Variants in AGMO observed in about 807,000 individuals in gnomAD.
AGMO encodes glyceryl-ether monooxygenase.
Under a neutral mutation model 60.2 loss-of-function variants are expected in AGMO, and 75 were observed. The ratio of observed to expected loss-of-function variants is 1.25; its 90% CI spans 1.03 to 1.51. The LOEUF is 1.51. Among genes scored for constraint, AGMO ranks in the 40% most tolerant of loss-of-function variants. AGMO has a pLI of 0.00. For missense variants in AGMO, 763 were observed against 525.5 expected, an observed-to-expected ratio of 1.45 and a Z score of -4.42; for synonymous variants, 261 against 177.1, an observed-to-expected ratio of 1.47 and a Z score of -3.76.
In AGMO at chr7:15,360,708, T is replaced by A. The variant is rs528185766; in HGVS notation, c.1263+4806A>T. Among the ~76,000 whole-genome samples the A allele has an allele frequency of 2.6e-5, 4 of 151,014 alleles. No individual in the cohort carries two copies. In the East Asian group the frequency reaches 7.8e-4, roughly 29 times the overall value. On this transcript the variant is annotated intron_variant, in intron 12 of 12. Transcript: ENST00000342526. ...CAGGCACACTTAGTGTAATATTTAT[T>A]GAAAAAAAAATCCACATATACATGG...
At chr7:15,232,278 C>T (rs1340295549) in intron 12 of AGMO, among the ~76,000 whole-genome samples, 2 of 152,158 alleles carry the variant, frequency 1.3e-5, no homozygotes, top group African/African-American at 2.4e-5. Context: ...GTGGAGGTGC[C>T]ACAAGTATCC....
At chr7:15,173,873 GA>G in the AGMO span, among the ~76,000 whole-genome samples, 1 of 150,584 alleles carries the variant, frequency 6.6e-6, no homozygotes, top group Non-Finnish European at 1.5e-5. Flanking sequence ...TAATTTTTAG[GA>G]AATATCTTTC....
Position 15,390,835 on chromosome 7 carries a change from C to T in AGMO, c.742+5G>A, listed in dbSNP as rs746835991. ...AATTTTTTGATTTTAATACATTTTA[C>T]TTACCAAAAATTTTATCCCAAATAA... On this transcript the variant is annotated splice_donor_5th_base_variant and intron_variant, in intron 7 of 12. Coordinates refer to ENST00000342526, the MANE Select transcript of AGMO (RefSeq NM_001004320.2). The T allele has an allele frequency of 4.4e-6, 7 of 1,601,152 alleles. No homozygotes were observed. The Admixed American group carries it at 8.4e-5, about 19-fold the overall frequency.
intron 3 of AGMO, among the ~76,000 whole-genome samples, chr7:15,432,926 G>C (rs1178546202): frequency 6.6e-6 from 1 of 151,846 alleles, no homozygotes; most frequent in Non-Finnish European, 1.5e-5. Context: ...TTGAATAAGA[G>C]GTAATAAATT....
chr7:15,437,350 C>T (rs935688095), intron 3 of AGMO, among the ~76,000 whole-genome samples: 3 of 152,014 alleles, frequency 2.0e-5, no homozygotes, highest in African/African-American at 4.8e-5. Context: ...CTATTCTATC[C>T]TTGCTCACTT....
intron 8 of AGMO, among the ~76,000 whole-genome samples, chr7:15,388,276 A>G (rs1410603848): frequency 6.6e-6 from 1 of 152,202 alleles, no homozygotes; most frequent in Non-Finnish European, 1.5e-5. Context: ...AACCCTAAGC[A>G]TGTGGGTTAC....
chr7:15,373,288 A>T (rs1337793882), intron 10 of AGMO, among the ~76,000 whole-genome samples: 5 of 152,036 alleles, frequency 3.3e-5, no homozygotes, highest in Non-Finnish European at 5.9e-5. Flanking sequence ...AAAAAAAAAA[A>T]AAATTATTTG....
intron 3 of AGMO, among the ~76,000 whole-genome samples, chr7:15,511,940 C>T (rs574573458): frequency 6.6e-6 from 1 of 151,338 alleles, no homozygotes; most frequent in Admixed American, 6.6e-5. Flanking sequence ...CACCAGACAC[C>T]TTAGTCTGGG....
chr7:15,477,077 A>G (rs1188857951), intron 3 of AGMO, among the ~76,000 whole-genome samples: 1 of 152,102 alleles, frequency 6.6e-6, no homozygotes, highest in Non-Finnish European at 1.5e-5. Context: ...TACTCAAATT[A>G]CGTATACACA....
chr7:15,257,738 C>A lies in AGMO; in HGVS notation c.1264-56379G>T, dbSNP rs190423682. Among the ~76,000 whole-genome samples the A allele has an allele frequency of 2.5e-3, 375 of 152,244 alleles. 1 individual carries two copies. Among genetic ancestry groups the A allele is most frequent in the African/African-American group, 8.1e-3 (338 of 41,540 alleles). On this transcript the variant is annotated intron_variant, in intron 12 of 12. Coordinates refer to ENST00000342526, the MANE Select transcript of AGMO (RefSeq NM_001004320.2). ...CAGTAATAAGAAAGATAATTAAAAA[C>A]CTGGGTGGGAGACAGGCAAGGAAGG...
At chr7:15,415,955 C>T (rs1426342040) in intron 5 of AGMO, among the ~76,000 whole-genome samples, 1 of 151,406 alleles carries the variant, frequency 6.6e-6, no homozygotes, top group Non-Finnish European at 1.5e-5. Context: ...GAGTTTCAAG[C>T]CAAATGTTTC....
chr7:15,377,028 A>G (rs987318337), intron 10 of AGMO, among the ~76,000 whole-genome samples: 2 of 152,090 alleles, frequency 1.3e-5, no homozygotes, highest in Admixed American at 6.5e-5. Flanking sequence ...AACAGAAAAG[A>G]CTGTGGGACC....
intron 12 of AGMO, among the ~76,000 whole-genome samples, chr7:15,261,406 G>A (rs141756976): frequency 6.6e-6 from 1 of 151,906 alleles, no homozygotes; most frequent in Non-Finnish European, 1.5e-5. Context: ...TCCTACAAGA[G>A]ATGAATATAT....
At chr7:15,543,415 T>C (rs1302058494) in intron 3 of AGMO, among the ~76,000 whole-genome samples, 11 of 152,118 alleles carry the variant, frequency 7.2e-5, no homozygotes, top group African/African-American at 2.7e-4. Flanking sequence ...AAAAAGCAAA[T>C]TCAGTGAACC....
At chr7:15,198,438 C>T (rs1292462996), downstream of AGMO, among the ~76,000 whole-genome samples, 1 of 152,116 alleles carries the variant, frequency 6.6e-6, no homozygotes, top group Non-Finnish European at 1.5e-5. Context: ...GAATAAAGTG[C>T]CTTGGTTAAT....
At chr7:15,444,058 C>A (rs986418954) in intron 3 of AGMO, among the ~76,000 whole-genome samples, 1 of 152,140 alleles carries the variant, frequency 6.6e-6, no homozygotes, top group African/African-American at 2.4e-5. Flanking sequence ...TTTGTATCCA[C>A]CACTATTTCA....
chr7:15,309,645 G>A (rs1780711808), intron 12 of AGMO, among the ~76,000 whole-genome samples: 1 of 152,000 alleles, frequency 6.6e-6, no homozygotes, highest in African/African-American at 2.4e-5. Flanking sequence ...TATTGTAGGT[G>A]CATATATATG....
chr7:15,247,985 T>C (rs1410083344), intron 12 of AGMO, among the ~76,000 whole-genome samples: 3 of 150,902 alleles, frequency 2.0e-5, no homozygotes, highest in South Asian at 2.1e-4. Flanking sequence ...TTAGAGAAAC[T>C]GAAGTAAGTG....
chr7:15,472,766 T>C (rs909503402), intron 3 of AGMO, among the ~76,000 whole-genome samples: 2 of 151,946 alleles, frequency 1.3e-5, no homozygotes, highest in African/African-American at 4.8e-5. Context: ...TATTTTTACA[T>C]TATGAATACA....
Sources: gnomAD v4.1 joint callset for allele counts (sites outside exome capture counted in the v4.1 genomes callset) on GRCh38, gnomAD v4.1.1 for gene constraint, MANE v1.5 for transcripts, NCBI Gene and HGNC (gene_info 2026-07-23, HGNC 2026-07-21) for gene names.